NTRK2: variants seen among roughly 807,000 people sequenced by gnomAD.
NTRK2 encodes BDNF/NT-3 growth factors receptor.
A neutral mutation model predicts 94.5 loss-of-function variants in NTRK2; 13 were observed. That is an observed-to-expected ratio of 0.14 (90% confidence interval 0.09 to 0.22). The LOEUF (loss-of-function observed/expected upper bound fraction) is 0.22, where lower values mean the gene tolerates loss of function less well. Ranked by LOEUF, NTRK2 falls within the 10% of genes least tolerant of loss-of-function variation. NTRK2 has a pLI of 1.00. For missense variants in NTRK2, 639 were observed against 1,071.2 expected, an observed-to-expected ratio of 0.60 and a Z score of 5.63; for synonymous variants, 372 against 407.4, an observed-to-expected ratio of 0.91 and a Z score of 1.05.
chr9:84,676,508 T>TTC (rs536265598), intron 2 of NTRK2, among the ~76,000 whole-genome samples: 3 of 152,208 alleles, frequency 2.0e-5, no homozygotes, highest in Non-Finnish European at 4.4e-5. Flanking sequence ...TCACTTAGAA[T>TTC]CGGAACCTCA....
At chr9:84,694,023 T>C (rs1270510323) in intron 2 of NTRK2, among the ~76,000 whole-genome samples, 2 of 152,216 alleles carry the variant, frequency 1.3e-5, no homozygotes, top group Non-Finnish European at 2.9e-5. Flanking sequence ...ACTGCTGTGT[T>C]TGGGCTGTGA....
chr9:84,908,434 TAAAC>T (rs1196667818), intron 14 of NTRK2, among the ~76,000 whole-genome samples: 3 of 152,158 alleles, frequency 2.0e-5, no homozygotes, highest in Non-Finnish European at 4.4e-5. Flanking sequence ...ACGAAAATAA[TAAAC>T]AGAACACTAG....
intron 2 of NTRK2, among the ~76,000 whole-genome samples, chr9:84,690,002 C>A (rs2059951003): frequency 6.6e-6 from 1 of 152,150 alleles, no homozygotes; most frequent in Non-Finnish European, 1.5e-5. Flanking sequence ...CCTTACACAA[C>A]CACTATGATT....
chr9:84,922,711 C>T (rs1254192783), intron 14 of NTRK2, among the ~76,000 whole-genome samples: 2 of 152,206 alleles, frequency 1.3e-5, no homozygotes, highest in Non-Finnish European at 2.9e-5. Context: ...AAAACATGCC[C>T]AGCACACAGC....
intron 12 of NTRK2, among the ~76,000 whole-genome samples, chr9:84,801,100 C>A (rs529594300): frequency 6.6e-6 from 1 of 152,326 alleles, no homozygotes; most frequent in African/African-American, 2.4e-5. Flanking sequence ...GAATGGAAAG[C>A]TGGAAGGCAC....
intron 17 of NTRK2, among the ~76,000 whole-genome samples, chr9:85,011,740 TAGAG>T (rs889146363): frequency 1.3e-5 from 2 of 152,184 alleles, no homozygotes; most frequent in Admixed American, 6.5e-5. Flanking sequence ...CTGACTAAGA[TAGAG>T]AGCCCTTTCC....
chr9:84,785,743 A>G (rs1038792573), intron 12 of NTRK2, among the ~76,000 whole-genome samples: 3 of 152,172 alleles, frequency 2.0e-5, no homozygotes, highest in Admixed American at 6.5e-5. Flanking sequence ...TCTTCCTATG[A>G]GATTTTTATT....
Position 84,810,682 on chromosome 9 carries a change from T to A in NTRK2, c.1397-50358T>A, listed in dbSNP as rs941298900. The A allele has an allele frequency of 1.1e-5, 17 of 1,599,170 alleles. No individual in the cohort carries two copies. In the Admixed American group the frequency reaches 1.6e-4, roughly 15 times the overall value. Reference sequence around the variant, plus strand: ...ACTGCTGTTGGCTTATCCCGGGAAGTGCTGCTTATCTGGGGTTTTCTGGTA... The same window carrying A: ...ACTGCTGTTGGCTTATCCCGGGAAGAGCTGCTTATCTGGGGTTTTCTGGTA... On this transcript the variant is annotated intron_variant, in intron 12 of 18. Coordinates refer to ENST00000277120, the MANE Select transcript of NTRK2 (RefSeq NM_006180.6).
intron 14 of NTRK2, chr9:84,875,355 T>C (rs1052802172): frequency 2.8e-6 from 3 of 1,060,312 alleles, no homozygotes; most frequent in African/African-American, 3.3e-5. Context: ...GACTCTCATA[T>C]GGTAAGTATC....
intron 2 of NTRK2, among the ~76,000 whole-genome samples, chr9:84,690,357 T>A (rs1360411068): frequency 6.6e-6 from 1 of 152,214 alleles, no homozygotes; most frequent in Non-Finnish European, 1.5e-5. Context: ...AAATGATTTG[T>A]CCTGACTGGA....
chr9:84,746,050 C>A (rs1413833565), intron 11 of NTRK2, among the ~76,000 whole-genome samples: 1 of 152,132 alleles, frequency 6.6e-6, no homozygotes, highest in Non-Finnish European at 1.5e-5. Context: ...TATCTCCTTA[C>A]CTCCACTGCC....
rs1251311460 is a variant in NTRK2, at chr9:84,960,212, C to G, written c.2172+4695C>G. ...AGGAAATCATCATTAGATGCCCACT[C>G]CCAGTTTATCAACTGGGAAGAGAAA... On this transcript the variant is annotated intron_variant, in intron 17 of 18. Coordinates refer to ENST00000277120, the MANE Select transcript of NTRK2 (RefSeq NM_006180.6). Among the ~76,000 whole-genome samples the G allele has an allele frequency of 2.0e-5, 3 of 152,188 alleles. No homozygotes were observed. The East Asian group carries it at 5.8e-4, about 29-fold the overall frequency.
At chr9:84,926,476 C>T (rs189067510) in intron 14 of NTRK2, among the ~76,000 whole-genome samples, 17 of 152,118 alleles carry the variant, frequency 1.1e-4, no homozygotes, top group South Asian at 1.0e-3. Flanking sequence ...AGGTGATCTG[C>T]CCTCCTCGGC....
At chr9:84,933,949 A>G (rs1033408060) in intron 14 of NTRK2, among the ~76,000 whole-genome samples, 1 of 152,208 alleles carries the variant, frequency 6.6e-6, no homozygotes, top group African/African-American at 2.4e-5. Flanking sequence ...TTTATCAGAA[A>G]CAATAACTGA....
At chr9:84,886,070 T>C (rs1432223664) in intron 14 of NTRK2, among the ~76,000 whole-genome samples, 1 of 152,068 alleles carries the variant, frequency 6.6e-6, no homozygotes, top group African/African-American at 2.4e-5. Context: ...CTTTAGAGAA[T>C]ACAGAACACC....
intron 2 of NTRK2, among the ~76,000 whole-genome samples, chr9:84,688,717 T>C (rs947319750): frequency 1.3e-5 from 2 of 152,244 alleles, no homozygotes; most frequent in Admixed American, 1.3e-4. Context: ...TATTATTTTT[T>C]ACTGGGACCC....
At chr9:84,875,016 G>C (rs1036773499) in intron 14 of NTRK2, 2 of 1,057,144 alleles carry the variant, frequency 1.9e-6, no homozygotes, top group African/African-American at 3.3e-5. Flanking sequence ...TAGAAAACCT[G>C]GAAAACATAA....
At position 84,898,734 on chromosome 9, in the gene NTRK2, G is replaced by A. The variant is rs911319898; in HGVS notation, c.1633+31303G>A. Reference sequence around the variant, plus strand: ...CTCTTTTTTTCTCTTTTTTTTCCTCGCTCTGTTGCCCAGGCTGGAGTGCAA... The same window carrying A: ...CTCTTTTTTTCTCTTTTTTTTCCTCACTCTGTTGCCCAGGCTGGAGTGCAA... On this transcript the variant is annotated intron_variant, in intron 14 of 18. Transcript: ENST00000277120. Among the ~76,000 whole-genome samples, 3 of 147,834 alleles carry A rather than the reference G, an allele frequency of 2.0e-5. No homozygotes were observed. The Admixed American group carries it at 2.0e-4, about 10-fold the overall frequency.
chr9:84,714,672 T>C (rs2579369), intron 6 of NTRK2, among the ~76,000 whole-genome samples: 80,911 of 152,044 alleles, frequency 0.53, 21,880 homozygotes, highest in Admixed American at 0.6. Flanking sequence ...CAGATAATAA[T>C]ACGCCAATAT....
Sources: allele counts gnomAD v4.1 joint callset (sites outside exome capture counted in the v4.1 genomes callset), GRCh38; gene constraint gnomAD v4.1.1; transcripts MANE v1.5; gene names NCBI Gene and HGNC (gene_info 2026-07-23, HGNC 2026-07-21).